Variants in PSG8 observed in about 807,000 individuals in gnomAD.
The protein encoded by PSG8 is pregnancy-specific beta-1-glycoprotein 8.
In PSG8, 57 loss-of-function variants were observed where a neutral mutation model predicts 42.5. The observed-to-expected ratio is 1.34, with a 90% confidence interval of 1.08 to 1.67. PSG8 has a LOEUF of 1.67. Among genes scored for constraint, PSG8 ranks in the 40% most tolerant of loss-of-function variants. The probability of loss-of-function intolerance (pLI) is 0.00; values close to 1 mark genes in which losing one functional copy is unlikely to be tolerated. For synonymous variants in PSG8, 280 were observed against 196.8 expected (o/e 1.42, Z -3.54); for missense variants, 783 against 518.6 (o/e 1.51, Z -4.95).
rs562639895 is a variant in PSG8, at chr19:42,760,741, G to A, written c.431-2461C>T. On this transcript the variant is annotated intron_variant, in intron 2 of 4. Coordinates refer to ENST00000306511, the MANE Select transcript of PSG8 (RefSeq NM_182707.3). Reference sequence around the variant, plus strand: ...GGGACTACAGGGGCCCGCCACCATGGCTGGCTAATTTTTTGTATTTTTAGT... The same window carrying A: ...GGGACTACAGGGGCCCGCCACCATGACTGGCTAATTTTTTGTATTTTTAGT... Among the ~76,000 whole-genome samples the A allele has an allele frequency of 5.1e-4, 77 of 152,026 alleles. 1 individual carries two copies. The highest frequency in any genetic ancestry group is 1.4e-3 in the Admixed American group (21 of 15,252).
In PSG8 at chr19:42,755,115, CT is replaced by C. The variant is rs1322474829; in HGVS notation, c.860del (p.Lys287SerfsTer26). On this transcript the variant is annotated frameshift_variant, in exon 4 of 5. Transcript: ENST00000306511. LOFTEE classifies it high-confidence loss of function. ...GQSLPVSPRV[K>X]RPIENRILIL... ...TGAGGATCCTGTTTTCAATGGGTCG[CT>C]TTACCCTGGGACTGACCGGGAGGCT... 1 of 1,611,848 alleles carries C rather than the reference CT, an allele frequency of 6.2e-7. No homozygotes were observed. Among genetic ancestry groups the C allele is most frequent in the Non-Finnish European group, 8.5e-7 (1 of 1,179,798 alleles).
intron 3 of PSG8, among the ~76,000 whole-genome samples, chr19:42,757,330 G>A (rs1337464406): frequency 1.3e-5 from 2 of 152,012 alleles, no homozygotes; most frequent in Non-Finnish European, 2.9e-5. Context: ...AATGCTCCAG[G>A]GATCCACTTA....
chr19:42,763,669 G>C, intron 2 of PSG8: 1 of 708,222 alleles, frequency 1.4e-6, no homozygotes, highest in South Asian at 1.8e-5. Context: ...ATCTCCTCCT[G>C]CTGAGTCCCC....
At chr19:42,763,092 G>C (rs1457868448) in intron 2 of PSG8, among the ~76,000 whole-genome samples, 4 of 152,136 alleles carry the variant, frequency 2.6e-5, no homozygotes, top group Admixed American at 6.5e-5. Flanking sequence ...ACAGTCACCT[G>C]ACCTAATGCT....
intron 3 of PSG8, 33 bp from the exon 4 acceptor site, chr19:42,755,299 G>C: frequency 6.3e-7 from 1 of 1,592,628 alleles, no homozygotes; most frequent in Non-Finnish European, 8.5e-7. Context: ...ATTGTCCTGT[G>C]TGGCACCTTT....
At chr19:42,752,839 A>T (rs1176672703), downstream of PSG8, 2 of 195,884 alleles carry the variant, frequency 1.0e-5, no homozygotes, top group Non-Finnish European at 2.1e-5. Flanking sequence ...CTCTTCATAG[A>T]AACCATCTTA....
At chr19:42,758,531 C>T (rs1969992042) in intron 2 of PSG8, 1 of 808,246 alleles carries the variant, frequency 1.2e-6, no homozygotes, top group Non-Finnish European at 1.8e-6. Context: ...CATGGAAAGA[C>T]ACAGGACCAG....
intron 2 of PSG8, among the ~76,000 whole-genome samples, chr19:42,761,249 A>C (rs746038108): frequency 1.3e-5 from 2 of 152,206 alleles, no homozygotes; most frequent in East Asian, 1.9e-4. Flanking sequence ...TATGGTTTAA[A>C]TTTGAAGCAA....
Position 42,754,568 on chromosome 19 carries a change from T to G in PSG8, c.1008A>C (p.Arg336Ser), listed in dbSNP as rs1018693425. The change falls in exon 5 of 5, where the codon AGA (arginine) becomes AGC (serine). Residue 336 changes from arginine to serine, a missense_variant. Arg to Ser is a moderately radical substitution (Grantham distance 110). Transcript: ENST00000306511. ...LNVLYGPDLP[R>S]IYPSFTYYRS... ...GGTAATAGGTGAATGAAGGGTAAATTCTGGGGAGGTCTGGACCATCTGGAG... is the reference window on the plus strand; with the variant it reads ...GGTAATAGGTGAATGAAGGGTAAATGCTGGGGAGGTCTGGACCATCTGGAG... The G allele has an allele frequency of 5.6e-6, 9 of 1,613,204 alleles. No homozygotes were observed. The highest frequency in any genetic ancestry group is 4.4e-5 in the South Asian group (4 of 91,048).
downstream of PSG8, among the ~76,000 whole-genome samples, chr19:42,753,664 A>G (rs1329366425): frequency 1.3e-5 from 2 of 152,192 alleles, no homozygotes; most frequent in East Asian, 3.8e-4. Flanking sequence ...AAACTTTTAC[A>G]AAACTCTTGA....
At chr19:42,759,627 T>A (rs1302225932) in intron 2 of PSG8, among the ~76,000 whole-genome samples, 1 of 152,166 alleles carries the variant, frequency 6.6e-6, no homozygotes, top group Non-Finnish European at 1.5e-5. Context: ...TTTCAGATTG[T>A]GGATTTCTGG....
At chr19:42,757,084 T>A (rs1190038271) in intron 3 of PSG8, among the ~76,000 whole-genome samples, 1 of 152,158 alleles carries the variant, frequency 6.6e-6, no homozygotes, top group Non-Finnish European at 1.5e-5. Context: ...AATATTTTAT[T>A]CCTTTTGATG....
Position 42,754,968 on chromosome 19 carries a change from G to A in PSG8, c.988+20C>T. On this transcript the variant is annotated intron_variant, in intron 4 of 4. Transcript: ENST00000306511. Reference sequence around the variant, plus strand: ...ATTTAAGCTGGTGTCCTGGCCCACAGAGGAACAAAAGATACTCACAGAGGA... The same window carrying A: ...ATTTAAGCTGGTGTCCTGGCCCACAAAGGAACAAAAGATACTCACAGAGGA... 6.2e-7 allele frequency: 1 copy of A among 1,600,722 alleles called. No homozygotes were observed. Among genetic ancestry groups the A allele is most frequent in the South Asian group, 1.1e-5 (1 of 88,940 alleles).
At chr19:42,753,189 G>A, downstream of PSG8, 1 of 753,084 alleles carries the variant, frequency 1.3e-6, no homozygotes. Context: ...CTGTTGTTAT[G>A]GTGTCGAACA....
rs780835798 is a variant in PSG8, at chr19:42,755,111, G to A, written c.865C>T (p.Pro289Ser). Residue 289 changes from proline (P) to serine (S), a missense_variant, in exon 4 of 5, where the codon CCC (proline) becomes TCC (serine). By Grantham distance (74) the Pro-to-Ser change is moderately conservative. Transcript: ENST00000306511. ...SLPVSPRVKRPIENRILILPS... is the reference protein window; with the variant it reads ...SLPVSPRVKRSIENRILILPS... ...AGAATGAGGATCCTGTTTTCAATGG[G>A]TCGCTTTACCCTGGGACTGACCGGG... The A allele has an allele frequency of 6.2e-7, 1 of 1,611,964 alleles. No individual in the cohort carries two copies. The highest frequency in any genetic ancestry group is 1.1e-5 in the South Asian group (1 of 90,982).
intron 2 of PSG8, among the ~76,000 whole-genome samples, chr19:42,761,863 C>G (rs1328666267): frequency 4.0e-5 from 3 of 74,864 alleles, no homozygotes; most frequent in Non-Finnish European, 7.1e-5. Context: ...GTGCAGGAGG[C>G]CAGAAGAACT....
chr19:42,765,361 C>A (rs1216966719), intron 1 of PSG8, among the ~76,000 whole-genome samples, 157 bp downstream of exon 1: 2 of 151,958 alleles, frequency 1.3e-5, no homozygotes, highest in Non-Finnish European at 2.9e-5. Flanking sequence ...ACTGTGTTGG[C>A]CAGACTGATC....
downstream of PSG8, chr19:42,753,297 C>A: frequency 1.3e-6 from 1 of 780,236 alleles, no homozygotes; most frequent in Non-Finnish European, 2.4e-6. Flanking sequence ...GCTTCTGGAA[C>A]AGAGTGGGTC....
At chr19:42,765,415 G>C in intron 1 of PSG8, 103 bp downstream of exon 1, 1 of 1,544,190 alleles carries the variant, frequency 6.5e-7, no homozygotes, top group Non-Finnish European at 8.8e-7. Context: ...GCCTCCCAAA[G>C]TGCTGGCTTC....
Sources: allele counts gnomAD v4.1 joint callset (sites outside exome capture counted in the v4.1 genomes callset), GRCh38; gene constraint gnomAD v4.1.1; transcripts MANE v1.5; gene names NCBI Gene and HGNC (gene_info 2026-07-23, HGNC 2026-07-21).